The following AFAP1 variants were observed in gnomAD, a reference collection of about 807,000 sequenced individuals.
The protein encoded by AFAP1 is actin filament associated protein 1.
A neutral mutation model predicts 93.9 loss-of-function variants in AFAP1; 75 were observed. The ratio of observed to expected loss-of-function variants is 0.80; its 90% CI spans 0.66 to 0.97. The LOEUF (loss-of-function observed/expected upper bound fraction) is 0.97, where lower values mean the gene tolerates loss of function less well. Ranked by LOEUF, AFAP1 falls within the 50% of genes least tolerant of loss-of-function variation. The pLI, the probability that AFAP1 is intolerant of heterozygous loss-of-function variation, is 0.00. For missense variants in AFAP1, 1,201 were observed against 1,050.8 expected (o/e 1.14, Z -1.98); for synonymous variants, 517 against 430.7 (o/e 1.20, Z -2.48).
At chr4:7,930,602 T>G (rs1367138195) in intron 1 of AFAP1, among the ~76,000 whole-genome samples, 1 of 152,182 alleles carries the variant, frequency 6.6e-6, no homozygotes, top group East Asian at 1.9e-4. Flanking sequence ...CCAAAAGTCT[T>G]AGAAGCTCTT....
intron 11 of AFAP1, among the ~76,000 whole-genome samples, chr4:7,788,318 C>T (rs1717506377): frequency 1.3e-5 from 2 of 152,232 alleles, no homozygotes; most frequent in Admixed American, 6.5e-5. Flanking sequence ...GCAAGTGAAG[C>T]CCGCCTCTTT....
At chr4:7,787,246 GCGC>G (rs1175077375) in intron 11 of AFAP1, among the ~76,000 whole-genome samples, 1 of 152,228 alleles carries the variant, frequency 6.6e-6, no homozygotes, top group Admixed American at 6.5e-5. Context: ...GGAGCGTGGT[GCGC>G]CCAGCGAGGG....
chr4:7,781,691 T>A, intron 12 of AFAP1, 64 bp from the exon 13 acceptor site: 1 of 1,531,172 alleles, frequency 6.5e-7, no homozygotes, highest in Admixed American at 2.0e-5. Flanking sequence ...TTTAGCACAG[T>A]GAGATGTCAT....
intron 1 of AFAP1, among the ~76,000 whole-genome samples, chr4:7,928,311 A>C (rs1455346472): frequency 2.0e-5 from 3 of 152,144 alleles, no homozygotes; most frequent in African/African-American, 4.8e-5. Flanking sequence ...GCTAGTTCTC[A>C]AGTCATCTTT....
At position 7,798,293 on chromosome 4, in the gene AFAP1, G is replaced by A. The variant is rs113128565; in HGVS notation, c.1266+2149C>T. Among the ~76,000 whole-genome samples the A allele has an allele frequency of 9.6e-4, 122 of 127,290 alleles. 3 individuals are homozygous for A. Among genetic ancestry groups the A allele is most frequent in the South Asian group, 7.2e-3 (25 of 3,476 alleles). 83.5% of individuals were successfully genotyped at this position (127,290 alleles called of 152,430 possible). A position where few individuals can be genotyped will look rare whatever the true frequency, so the allele number is the denominator to read the frequency against. ...ACTGCAACTCTACTGGCTGGCTCAC[G>A]GCATTGCAACCCTATTGGCTGGCTC... is the stretch of plus-strand genomic sequence containing the variant. On this transcript the variant is annotated intron_variant, in intron 10 of 17. Transcript: ENST00000420658.
At chr4:7,926,538 C>G (rs2149241537) in intron 1 of AFAP1, among the ~76,000 whole-genome samples, 1 of 152,262 alleles carries the variant, frequency 6.6e-6, no homozygotes, top group Admixed American at 6.5e-5. Context: ...AAGTTCCCCA[C>G]ACCCTCTACC....
chr4:7,904,985 G>T (rs1272068808), intron 1 of AFAP1, among the ~76,000 whole-genome samples: 1 of 152,160 alleles, frequency 6.6e-6, no homozygotes, highest in Non-Finnish European at 1.5e-5. Context: ...TGGGATTACA[G>T]GTTTAGGCCA....
At chr4:7,840,976 G>A (rs191898667) in intron 5 of AFAP1, among the ~76,000 whole-genome samples, 1 of 152,232 alleles carries the variant, frequency 6.6e-6, no homozygotes, top group East Asian at 1.9e-4. Context: ...CATCTCAAAC[G>A]CTTATCATTT....
intron 1 of AFAP1, among the ~76,000 whole-genome samples, chr4:7,904,615 T>C (rs533673999): frequency 1.3e-5 from 2 of 152,206 alleles, no homozygotes; most frequent in Non-Finnish European, 2.9e-5. Context: ...AAAGATTAAG[T>C]AAGTTGTCCA....
In AFAP1 at chr4:7,762,477, C is replaced by T. The variant is rs1030609870; in HGVS notation, c.*1288G>A. On this transcript the variant is annotated 3_prime_UTR_variant, in exon 18 of 18. Coordinates refer to ENST00000420658, the MANE Select transcript of AFAP1 (RefSeq NM_001134647.2). ...CTGCATCTTCCCGTACTGGAGAATT[C>T]CTGACAGCAGCCTCCGGGAGACCAA... 5 of 152,238 alleles carry T rather than the reference C, an allele frequency of 3.3e-5. No homozygotes were observed. Among genetic ancestry groups the T allele is most frequent in the African/African-American group, 1.2e-4 (5 of 41,460 alleles). The allele number at this position is 152,238 out of a possible 1,614,324, so 9.4% of individuals were successfully genotyped here.
In AFAP1 at chr4:7,918,922, GC is replaced by G. The variant is rs34694980; in HGVS notation, c.-3+20733del. ...GCCCAGGTCACCAGGAAACAGGGCT[GC>G]CGGATGAGACACTCGGCCCAGGTCA... On this transcript the variant is annotated intron_variant, in intron 1 of 17. Coordinates refer to ENST00000420658, the MANE Select transcript of AFAP1 (RefSeq NM_001134647.2). Among the ~76,000 whole-genome samples the G allele has an allele frequency of 5.8e-4, 76 of 130,664 alleles. 1 individual carries two copies. The highest frequency in any genetic ancestry group is 9.8e-4 in the Non-Finnish European group (61 of 62,136). 85.7% of individuals were successfully genotyped at this position (130,664 alleles called of 152,430 possible). A position where few individuals can be genotyped will look rare whatever the true frequency, so the allele number is the denominator to read the frequency against.
intron 1 of AFAP1, among the ~76,000 whole-genome samples, chr4:7,879,156 C>T (rs1441266156): frequency 1.3e-5 from 2 of 152,190 alleles, no homozygotes; most frequent in Admixed American, 6.5e-5. Flanking sequence ...AAGACTGAAG[C>T]AAGGGCCCAG....
intron 1 of AFAP1, among the ~76,000 whole-genome samples, chr4:7,906,022 G>A (rs1340268280): frequency 2.0e-5 from 3 of 152,220 alleles, no homozygotes; most frequent in Non-Finnish European, 4.4e-5. Flanking sequence ...TGGGAGGAGG[G>A]AGAGAGGACA....
intron 6 of AFAP1, among the ~76,000 whole-genome samples, chr4:7,822,558 AC>A (rs1309735909): frequency 6.6e-6 from 1 of 151,170 alleles, no homozygotes; most frequent in African/African-American, 2.4e-5. Context: ...TTCAAAAAAA[AC>A]GGTTGTCTTC....
chr4:7,801,022 A>C (rs771296253), intron 9 of AFAP1, among the ~76,000 whole-genome samples: 45 of 152,242 alleles, frequency 3.0e-4, no homozygotes, highest in African/African-American at 5.8e-4. Context: ...AGCTGCCTTC[A>C]AACTGGAAAC....
intron 9 of AFAP1, among the ~76,000 whole-genome samples, chr4:7,807,989 C>T (rs998269417): frequency 3.3e-5 from 5 of 152,152 alleles, no homozygotes; most frequent in Admixed American, 6.5e-5. Flanking sequence ...CCCATTTAGG[C>T]GCTGTGGGGC....
At chr4:7,936,121 A>G (rs1429276019) in intron 1 of AFAP1, among the ~76,000 whole-genome samples, 2 of 152,180 alleles carry the variant, frequency 1.3e-5, no homozygotes, top group African/African-American at 4.8e-5. Context: ...GAGTGAAGCA[A>G]AAATTGTAAT....
At chr4:7,883,226 C>G (rs1275355495) in intron 1 of AFAP1, among the ~76,000 whole-genome samples, 2 of 138,202 alleles carry the variant, frequency 1.4e-5, no homozygotes, top group South Asian at 2.4e-4. Context: ...GGAGGAAAGA[C>G]AGAAAGAAAA....
At chr4:7,866,182 C>A (rs1023817524) in intron 3 of AFAP1, among the ~76,000 whole-genome samples, 6 of 148,892 alleles carry the variant, frequency 4.0e-5, no homozygotes, top group Non-Finnish European at 8.9e-5. Flanking sequence ...CAAGTGTGAG[C>A]CACTGCGCCC....
Sources: gnomAD v4.1 joint callset for allele counts (sites outside exome capture counted in the v4.1 genomes callset) on GRCh38, gnomAD v4.1.1 for gene constraint, MANE v1.5 for transcripts, NCBI Gene and HGNC (gene_info 2026-07-23, HGNC 2026-07-21) for gene names.